FARS2: variants seen among roughly 807,000 people sequenced by gnomAD.
FARS2 encodes phenylalanyl-tRNA synthetase 2, mitochondrial, also known as phenylalanine--tRNA ligase, mitochondrial.
FARS2 carries 40 observed loss-of-function variants against 46.4 expected under a neutral mutation model. The observed-to-expected ratio is 0.86, with a 90% CI of 0.67 to 1.12. FARS2 has a LOEUF of 1.12. FARS2 is among the 50% of genes most tolerant of loss of function. The pLI is 0.00. For synonymous variants in FARS2, 234 were observed against 214.9 expected, an observed-to-expected ratio of 1.09 and a Z score of -0.78; for missense variants, 513 against 567.9, an observed-to-expected ratio of 0.90 and a Z score of 0.98.
At chr6:5,543,910 A>G (rs925775803) in intron 4 of FARS2, among the ~76,000 whole-genome samples, 3 of 151,160 alleles carry the variant, frequency 2.0e-5, no homozygotes, top group Non-Finnish European at 4.4e-5. Context: ...CTGGGTAACA[A>G]ATTACACTTA....
At chr6:5,606,830 T>C (rs1204537555) in intron 5 of FARS2, among the ~76,000 whole-genome samples, 1 of 152,152 alleles carries the variant, frequency 6.6e-6, no homozygotes, top group African/African-American at 2.4e-5. Flanking sequence ...AGTATTTCAT[T>C]TGTCCATTTG....
intron 6 of FARS2, among the ~76,000 whole-genome samples, chr6:5,683,805 G>A (rs1269537806): frequency 6.6e-6 from 1 of 152,014 alleles, no homozygotes; most frequent in African/African-American, 2.4e-5. Context: ...GGTATGTGAT[G>A]TTCCCCTTCC....
At chr6:5,260,885 G>T (rs1282405413), upstream of FARS2, 11 of 1,411,118 alleles carry the variant, frequency 7.8e-6, no homozygotes, top group Non-Finnish European at 1.0e-5. Context: ...TAAGCGGGCA[G>T]CCCTGCGGAT....
chr6:5,757,180 T>C (rs969069849), intron 6 of FARS2, among the ~76,000 whole-genome samples: 1 of 151,622 alleles, frequency 6.6e-6, no homozygotes, highest in African/African-American at 2.4e-5. Context: ...TTTTTTTTTC[T>C]TTTGAAGTAA....
At chr6:5,626,574 G>T (rs896477783) in intron 6 of FARS2, among the ~76,000 whole-genome samples, 1 of 152,118 alleles carries the variant, frequency 6.6e-6, no homozygotes, top group Non-Finnish European at 1.5e-5. Flanking sequence ...TACCAGCCTT[G>T]CAAAGCCCCT....
chr6:5,688,462 G>T (rs1192746696), intron 6 of FARS2, among the ~76,000 whole-genome samples: 2 of 152,194 alleles, frequency 1.3e-5, no homozygotes, highest in Non-Finnish European at 2.9e-5. Flanking sequence ...AGATAATCGT[G>T]TGGTTTTTGT....
chr6:5,627,003 A>G (rs1019749456), intron 6 of FARS2, among the ~76,000 whole-genome samples: 1 of 152,254 alleles, frequency 6.6e-6, no homozygotes, highest in African/African-American at 2.4e-5. Context: ...GTATCTGAAC[A>G]TATCTAAACA....
chr6:5,296,333 G>A (rs1424322353), intron 1 of FARS2, among the ~76,000 whole-genome samples: 1 of 151,714 alleles, frequency 6.6e-6, no homozygotes, highest in Non-Finnish European at 1.5e-5. Flanking sequence ...AGTAGAGATG[G>A]GGTTTCACTG....
At chr6:5,505,243 G>C (rs992229663) in intron 4 of FARS2, among the ~76,000 whole-genome samples, 1 of 152,140 alleles carries the variant, frequency 6.6e-6, no homozygotes, top group Non-Finnish European at 1.5e-5. Context: ...AAAAGGCTTG[G>C]AGGCCCAGCA....
At chr6:5,510,192 A>T (rs1338414838) in intron 4 of FARS2, among the ~76,000 whole-genome samples, 1 of 151,658 alleles carries the variant, frequency 6.6e-6, no homozygotes, top group Non-Finnish European at 1.5e-5. Flanking sequence ...CTCATTTCAA[A>T]TTTTTTTTTA....
At chr6:5,755,601 G>A (rs6935929) in intron 6 of FARS2, among the ~76,000 whole-genome samples, 40,550 of 151,994 alleles carry the variant, frequency 0.27, 7,280 homozygotes, top group African/African-American at 0.5. Flanking sequence ...AATCATTTAA[G>A]TACTTTTTTT....
At chr6:5,521,201 CTGA>C (rs1168374678) in intron 4 of FARS2, among the ~76,000 whole-genome samples, 5 of 151,848 alleles carry the variant, frequency 3.3e-5, no homozygotes, top group African/African-American at 1.2e-4. Context: ...GAAGAAGATC[CTGA>C]TGATTTCTTT....
intron 1 of FARS2, among the ~76,000 whole-genome samples, chr6:5,295,427 A>T (rs944136731): frequency 3.9e-5 from 6 of 152,170 alleles, no homozygotes; most frequent in African/African-American, 1.4e-4. Flanking sequence ...AAAAGGGCTA[A>T]AATTGGCTTT....
At position 5,442,414 on chromosome 6, in the gene FARS2, T is replaced by TACACAC. The variant is rs140280522; in HGVS notation, c.904+11252_904+11257dup. Among the ~76,000 whole-genome samples the TACACAC allele has an allele frequency of 1.2e-3, 181 of 150,316 alleles. 1 individual carries two copies. The highest frequency in any genetic ancestry group is 5.9e-5 in the Non-Finnish European group (4 of 67,544). The stretch of plus-strand genomic sequence containing the variant: ...AATGGAATGTGTATATATATATATA[T>TACACAC]ACACACACACACACATTTCTTTTTT... On this transcript the variant is annotated intron_variant, in intron 4 of 6. Coordinates refer to ENST00000274680, the MANE Select transcript of FARS2 (RefSeq NM_006567.5).
intron 2 of FARS2, chr6:5,371,145 C>A (rs1759037820): frequency 1.0e-6 from 1 of 979,208 alleles, no homozygotes. Flanking sequence ...CTGCTTATGA[C>A]CCAAAGGGGA....
intron 1 of FARS2, among the ~76,000 whole-genome samples, chr6:5,270,753 C>T (rs1452073278): frequency 6.6e-6 from 1 of 152,160 alleles, no homozygotes; most frequent in East Asian, 1.9e-4. Flanking sequence ...ACGACTATGG[C>T]GCTTACCCAC....
chr6:5,357,214 A>G (rs1439686007), intron 1 of FARS2, among the ~76,000 whole-genome samples: 1 of 152,218 alleles, frequency 6.6e-6, no homozygotes, highest in Non-Finnish European at 1.5e-5. Flanking sequence ...TTATGGGGAG[A>G]AAATGGAGCT....
chr6:5,496,554 TG>T (rs2150371647), intron 4 of FARS2, among the ~76,000 whole-genome samples: 1 of 152,318 alleles, frequency 6.6e-6, no homozygotes, highest in South Asian at 2.1e-4. Context: ...GCTACAAATC[TG>T]ACATCAAAGT....
intron 2 of FARS2, among the ~76,000 whole-genome samples, chr6:5,376,474 T>C (rs547829753): frequency 6.6e-6 from 1 of 152,296 alleles, no homozygotes; most frequent in East Asian, 1.9e-4. Flanking sequence ...ATTTGGTAGT[T>C]TCCAATGAAA....
Sources: gnomAD v4.1 joint callset for allele counts (sites outside exome capture counted in the v4.1 genomes callset) on GRCh38, gnomAD v4.1.1 for gene constraint, MANE v1.5 for transcripts, NCBI Gene and HGNC (gene_info 2026-07-23, HGNC 2026-07-21) for gene names.